The following RIMS1 variants were observed in gnomAD, a reference collection of about 807,000 sequenced individuals.
RIMS1 encodes the protein regulating synaptic membrane exocytosis protein 1.
In RIMS1, 83 loss-of-function variants were observed where a neutral mutation model predicts 214.1. The observed-to-expected ratio is 0.39, with a 90% CI of 0.32 to 0.47. The LOEUF (loss-of-function observed/expected upper bound fraction) is 0.47, where lower values mean the gene tolerates loss of function less well. Among genes scored for constraint, RIMS1 ranks in the 20% least tolerant of loss-of-function variants. The pLI is 0.99. For synonymous variants in RIMS1, 793 were observed against 786.8 expected (o/e 1.01, Z -0.13); for missense variants, 2,050 against 2,161.8 (o/e 0.95, Z 1.03).
intron 1 of RIMS1, among the ~76,000 whole-genome samples, chr6:71,942,166 A>G (rs1231574042): frequency 6.6e-5 from 10 of 152,196 alleles, no homozygotes; most frequent in Admixed American, 6.5e-4. Context: ...TCACGGCCTT[A>G]AACATAGCAT....
intron 28 of RIMS1, among the ~76,000 whole-genome samples, chr6:72,321,713 A>T (rs1249377989): frequency 6.6e-6 from 1 of 152,046 alleles, no homozygotes; most frequent in Admixed American, 6.6e-5. Context: ...AAATTTTAAT[A>T]CTAGAGACAT....
intron 19 of RIMS1, chr6:72,261,253 A>G (rs1450891817): frequency 2.5e-5 from 25 of 1,002,682 alleles, no homozygotes; most frequent in Non-Finnish European, 2.9e-5. Flanking sequence ...TTAACAGTTC[A>G]CTTTTAATGG....
chr6:72,386,722 ACTGT>A (rs1275435993), intron 29 of RIMS1, among the ~76,000 whole-genome samples: 3 of 143,784 alleles, frequency 2.1e-5, no homozygotes, highest in Non-Finnish European at 3.0e-5. Flanking sequence ...TCTTCGTTTC[ACTGT>A]CTTTCTTTTT....
chr6:72,355,305 A>G (rs1054163086), intron 29 of RIMS1, among the ~76,000 whole-genome samples: 24 of 152,154 alleles, frequency 1.6e-4, no homozygotes, highest in Non-Finnish European at 3.1e-4. Flanking sequence ...ACAATTTATC[A>G]TACCCTTAAA....
In RIMS1 at chr6:72,259,062, G is replaced by C; in HGVS notation, c.3004G>C (p.Asp1002His). The stretch of plus-strand genomic sequence containing the variant: ...CCATGATGCCTCCCGAAGTCCAGTT[G>C]ATCATAGAACCAGAGATGTGGATAG... ...RHHDASRSPV[D>H]HRTRDVDSQY... Residue 1002 changes from aspartate to histidine, a missense_variant, in exon 18 of 34, where the codon GAT becomes CAT. Physicochemically the swap from Asp to His is moderately conservative, Grantham distance 81. This residue lies in a region of RIMS1 where 889 missense variants were observed against 885.5 expected (regional missense o/e 1.00). Transcript: ENST00000521978. 3 of 1,612,576 alleles carry C rather than the reference G, an allele frequency of 1.9e-6. No individual in the cohort carries two copies.
chr6:71,952,155 T>C (rs903058118), intron 1 of RIMS1, among the ~76,000 whole-genome samples: 13 of 152,162 alleles, frequency 8.5e-5, no homozygotes, highest in Admixed American at 7.9e-4. Context: ...CGTGGGATTA[T>C]TTATGGAACC....
At chr6:72,366,948 A>G in intron 29 of RIMS1, 1 of 728,980 alleles carries the variant, frequency 1.4e-6, no homozygotes, top group Non-Finnish European at 1.7e-6. Flanking sequence ...ACCTAGCCAA[A>G]AGCCAAATTT....
intron 2 of RIMS1, among the ~76,000 whole-genome samples, chr6:72,027,411 T>TAA (rs1030615908): frequency 3.9e-5 from 6 of 152,138 alleles, no homozygotes; most frequent in Non-Finnish European, 8.8e-5. Flanking sequence ...CCAAAACTCT[T>TAA]AAAAATTAAT....
At chr6:72,093,839 C>T (rs2030128263) in intron 2 of RIMS1, among the ~76,000 whole-genome samples, 3 of 152,096 alleles carry the variant, frequency 2.0e-5, no homozygotes, top group South Asian at 2.1e-4. Flanking sequence ...GAATACCTAA[C>T]TAAAATTTTA....
At chr6:71,900,655 G>T (rs189397282) in intron 1 of RIMS1, among the ~76,000 whole-genome samples, 1 of 152,168 alleles carries the variant, frequency 6.6e-6, no homozygotes, top group African/African-American at 2.4e-5. Flanking sequence ...ATTGAATATG[G>T]GTTGATGTCA....
At chr6:72,260,981 C>G (rs2077718057) in intron 19 of RIMS1, 1 of 1,335,644 alleles carries the variant, frequency 7.5e-7, no homozygotes, top group Non-Finnish European at 9.7e-7. Context: ...TCTGTAGATT[C>G]AAAAATCCAG....
rs1057266459 is a variant in RIMS1, at chr6:72,205,140, T to G, written c.1678+21991T>G. 3.9e-5 allele frequency among the ~76,000 whole-genome samples: 6 copies of G among 152,264 alleles called. No individual in the cohort carries two copies. In the South Asian group the frequency reaches 1.2e-3, roughly 32 times the overall value. The stretch of plus-strand genomic sequence containing the variant: ...GTAATTTGGACATTAATTTTTGAAC[T>G]ACAAAGAGGTAACTGTAATATTCCT... On this transcript the variant is annotated intron_variant, in intron 6 of 33. Coordinates refer to ENST00000521978, the MANE Select transcript of RIMS1 (RefSeq NM_014989.7).
chr6:72,088,394 G>A (rs1466534504), intron 2 of RIMS1, among the ~76,000 whole-genome samples: 9 of 151,750 alleles, frequency 5.9e-5, no homozygotes, highest in East Asian at 1.9e-4. Context: ...GATTACAGGC[G>A]CCTGCCACCA....
At chr6:71,968,663 A>G (rs1795069172) in intron 1 of RIMS1, among the ~76,000 whole-genome samples, 1 of 152,234 alleles carries the variant, frequency 6.6e-6, no homozygotes, top group South Asian at 2.1e-4. Flanking sequence ...TTAAGCTTTC[A>G]GACATCTTCA....
At chr6:71,894,608 T>C (rs965655230) in intron 1 of RIMS1, among the ~76,000 whole-genome samples, 6 of 152,242 alleles carry the variant, frequency 3.9e-5, no homozygotes, top group African/African-American at 7.2e-5. Context: ...CCTTTGAGCC[T>C]TGCAAAGAGC....
chr6:72,152,742 T>G (rs1260042502), intron 4 of RIMS1, among the ~76,000 whole-genome samples: 1 of 137,934 alleles, frequency 7.2e-6, no homozygotes, highest in Admixed American at 8.0e-5. Context: ...GGAATATATG[T>G]ATATATATGT....
chr6:72,227,586 A>C (rs1194526880), intron 6 of RIMS1, among the ~76,000 whole-genome samples: 1 of 151,936 alleles, frequency 6.6e-6, no homozygotes, highest in African/African-American at 2.4e-5. Flanking sequence ...AACCAGAAAA[A>C]GTACTGCCTC....
intron 4 of RIMS1, among the ~76,000 whole-genome samples, chr6:72,118,479 C>A (rs1181689844): frequency 1.3e-5 from 2 of 151,428 alleles, no homozygotes; most frequent in Admixed American, 6.6e-5. Flanking sequence ...TTCTATGAAG[C>A]CAGTATTACC....
chr6:72,058,433 G>C (rs973894966), intron 2 of RIMS1, among the ~76,000 whole-genome samples: 1 of 152,164 alleles, frequency 6.6e-6, no homozygotes, highest in African/African-American at 2.4e-5. Flanking sequence ...TTACAAAATG[G>C]TCTACCCATC....
Sources: gnomAD v4.1 joint callset for allele counts (sites outside exome capture counted in the v4.1 genomes callset) on GRCh38, gnomAD v4.1.1 for gene constraint, gnomAD v4.1.1 regional missense constraint, MANE v1.5 for transcripts, NCBI Gene and HGNC (gene_info 2026-07-23, HGNC 2026-07-21) for gene names.